CLEC3A: variants seen among roughly 807,000 people sequenced by gnomAD.
CLEC3A encodes the protein C-type (calcium dependent, carbohydrate-recognition domain) lectin, superfamily member 1 (cartilage-derived).
Under a neutral mutation model 20.4 loss-of-function variants are expected in CLEC3A, and 28 were observed. The ratio of observed to expected loss-of-function variants is 1.37; its 90% CI spans 1.02 to 1.88. The LOEUF is 1.88. CLEC3A is among the 40% of genes most tolerant of loss of function. The pLI, the probability that CLEC3A is intolerant of heterozygous loss-of-function variation, is 0.00. For missense variants in CLEC3A, 357 were observed against 240.4 expected (o/e 1.48, Z -3.21); for synonymous variants, 110 against 88.1 (o/e 1.25, Z -1.39).
chr16:78,028,752 T>C (rs1377414434), intron 2 of CLEC3A, among the ~76,000 whole-genome samples: 2 of 152,238 alleles, frequency 1.3e-5, no homozygotes, highest in African/African-American at 4.8e-5. Flanking sequence ...GGAGCTAATA[T>C]CCTTTGTAGC....
At chr16:78,022,793 GGT>G in intron 1 of CLEC3A, 52 bp downstream of exon 1, 1 of 1,589,478 alleles carries the variant, frequency 6.3e-7, no homozygotes, top group Non-Finnish European at 8.6e-7. Flanking sequence ...AGTGTGGGGA[GGT>G]GCTGGACAAT....
At chr16:78,026,730 C>T (rs891956950) in intron 1 of CLEC3A, among the ~76,000 whole-genome samples, 2 of 152,162 alleles carry the variant, frequency 1.3e-5, no homozygotes, top group South Asian at 2.1e-4. Flanking sequence ...TAAGAGAATC[C>T]TTATTACACC....
rs185053601 is a variant in CLEC3A at position 78,023,914 on chromosome 16, C to G, written c.115+1173C>G. Among the ~76,000 whole-genome samples the G allele has an allele frequency of 5.9e-5, 9 of 152,070 alleles. No individual in the cohort carries two copies. In the East Asian group the frequency reaches 1.4e-3, roughly 23 times the overall value. ...CTAGGACTACAGGCGCCTGCCACCA[C>G]GCTCGACTAATTTTTTGTATTTTTA... is the stretch of plus-strand genomic sequence containing the variant. On this transcript the variant is annotated intron_variant, in intron 1 of 2. Coordinates refer to ENST00000299642, the MANE Select transcript of CLEC3A (RefSeq NM_005752.6).
chr16:78,029,964 T>C (rs2030039624), intron 2 of CLEC3A, among the ~76,000 whole-genome samples: 1 of 151,894 alleles, frequency 6.6e-6, no homozygotes. Flanking sequence ...CCATCCTGGC[T>C]AACACGGTGA....
At position 78,022,625 on chromosome 16, in the gene CLEC3A, C is replaced by T. The variant is rs1394460470; in HGVS notation, c.-2C>T. The T allele has an allele frequency of 6.2e-7, 1 of 1,614,044 alleles. No homozygotes were observed. The highest frequency in any genetic ancestry group is 8.5e-7 in the Non-Finnish European group (1 of 1,179,986). ...ATGGCTCAGCAGGCTTGCCCCAGAG[C>T]CATGGCAAAGAATGGACTTGTAATT... On this transcript the variant is annotated 5_prime_UTR_variant, in exon 1 of 3. Transcript: ENST00000299642.
In CLEC3A at chr16:78,022,671, A is replaced by C; in HGVS notation, c.45A>C (p.Leu15Phe). The C allele has an allele frequency of 6.2e-7, 1 of 1,613,994 alleles. No individual in the cohort carries two copies. Among genetic ancestry groups the C allele is most frequent in the Non-Finnish European group, 8.5e-7 (1 of 1,179,994 alleles). ...TAATTTGCATCCTGGTGATCACCTT[A>C]CTCCTGGACCAGACCACCAGCCACA... ...GLVICILVIT[L>F]LLDQTTSHTS... Residue 15 changes from leucine (L) to phenylalanine (F), a missense_variant, in exon 1 of 3, where the codon TTA (leucine) becomes TTC (phenylalanine). Coordinates refer to ENST00000299642, the MANE Select transcript of CLEC3A (RefSeq NM_005752.6).
intron 2 of CLEC3A, among the ~76,000 whole-genome samples, chr16:78,028,445 C>A (rs553255763): frequency 2.0e-5 from 3 of 152,262 alleles, no homozygotes; most frequent in African/African-American, 7.2e-5. Flanking sequence ...TACTTATTCT[C>A]TAAAGAGTAG....
At chr16:78,029,094 C>G (rs1398716113) in intron 2 of CLEC3A, 1 of 455,048 alleles carries the variant, frequency 2.2e-6, no homozygotes, top group East Asian at 7.0e-5. Context: ...CCTCCAGCAA[C>G]TTAAGCTATT....
intron 1 of CLEC3A, among the ~76,000 whole-genome samples, chr16:78,026,349 C>T (rs991203406): frequency 2.6e-5 from 4 of 152,178 alleles, no homozygotes; most frequent in African/African-American, 9.7e-5. Flanking sequence ...TCCATGGAAT[C>T]CCCACAAAGA....
rs2030058175 is a variant in CLEC3A at position 78,030,445 on chromosome 16, A to T, written c.200-2A>T. The T allele has an allele frequency of 6.3e-7, 1 of 1,591,386 alleles. No individual in the cohort carries two copies. Among genetic ancestry groups the T allele is most frequent in the Non-Finnish European group, 8.6e-7 (1 of 1,167,512 alleles). ...AATATGTTACACTTCACATCTTCAC[A>T]GTCTGTCTCCGAGGCACTAAAGTTC... On this transcript the variant is annotated splice_acceptor_variant, in intron 2 of 2. Coordinates refer to ENST00000299642, the MANE Select transcript of CLEC3A (RefSeq NM_005752.6). LOFTEE classifies it high-confidence loss of function.
chr16:78,023,217 G>C lies in CLEC3A; in HGVS notation c.115+476G>C, dbSNP rs576122134. 4.6e-5 allele frequency among the ~76,000 whole-genome samples: 7 copies of C among 152,288 alleles called. 1 individual carries two copies. The highest frequency in any genetic ancestry group is 2.0e-4 in the Admixed American group (3 of 15,288). ...GAGATTTTGGTAATGGTGACTTCCT[G>C]TTTTGTCATTAGTTATCATTAGCTG... On this transcript the variant is annotated intron_variant, in intron 1 of 2. Coordinates refer to ENST00000299642, the MANE Select transcript of CLEC3A (RefSeq NM_005752.6).
chr16:78,025,129 T>C (rs978165057), intron 1 of CLEC3A, among the ~76,000 whole-genome samples: 3 of 152,222 alleles, frequency 2.0e-5, no homozygotes, highest in Non-Finnish European at 4.4e-5. Context: ...GTTTTTAAAA[T>C]GCACAATTAA....
intron 1 of CLEC3A, among the ~76,000 whole-genome samples, chr16:78,025,967 G>A (rs932474536): frequency 2.1e-4 from 32 of 152,152 alleles, no homozygotes; most frequent in Admixed American, 1.3e-3. Context: ...GAGGGATGGG[G>A]GATGACATTT....
rs1376209735 is a variant in CLEC3A, at chr16:78,030,819, G to T, written c.572G>T (p.Cys191Phe). ...TGTCGCAGCAGCAAGAGATACATAT[G>T]CGAGTTCACCATCCCTCAATAGGTC... Reference protein sequence around the residue: ...EACRSSKRYICEFTIPQ With the variant: ...EACRSSKRYIFEFTIPQ Residue 191 changes from cysteine (C) to phenylalanine (F), a missense_variant, in exon 3 of 3, where the codon TGC (cysteine) becomes TTC (phenylalanine). Transcript: ENST00000299642. The T allele has an allele frequency of 2.5e-6, 4 of 1,613,080 alleles. No individual in the cohort carries two copies. The highest frequency in any genetic ancestry group is 1.3e-5 in the African/African-American group (1 of 74,870).
chr16:78,028,074 A>G (rs1185898858), intron 1 of CLEC3A, 33 bp from the exon 2 acceptor site: 12 of 1,421,748 alleles, frequency 8.4e-6, no homozygotes, highest in Non-Finnish European at 8.9e-6. Flanking sequence ...CTTTTCATCC[A>G]CCTACCCCAT....
At position 78,029,604 on chromosome 16, in the gene CLEC3A, G is replaced by T. The variant is rs182646342; in HGVS notation, c.200-843G>T. 1.2e-3 allele frequency among the ~76,000 whole-genome samples: 175 copies of T among 152,126 alleles called. 1 individual carries two copies. In the South Asian group the frequency reaches 0.027, roughly 23 times the overall value. On this transcript the variant is annotated intron_variant, in intron 2 of 2. Coordinates refer to ENST00000299642, the MANE Select transcript of CLEC3A (RefSeq NM_005752.6). ...AGACTGGTCTTGAACTCTTGACCTT[G>T]TGATCCACCCGCTTCTGCCTCCCTA...
chr16:78,024,922 G>C (rs1022788595), intron 1 of CLEC3A, among the ~76,000 whole-genome samples: 16 of 152,094 alleles, frequency 1.1e-4, no homozygotes, highest in African/African-American at 3.9e-4. Context: ...TACCCACCAG[G>C]TTCAAACAAT....
chr16:78,026,943 G>C (rs879322678), intron 1 of CLEC3A, among the ~76,000 whole-genome samples: 10 of 152,184 alleles, frequency 6.6e-5, no homozygotes, highest in Non-Finnish European at 1.2e-4. Flanking sequence ...CATGTGTTGA[G>C]TCGGAACACT....
chr16:78,024,627 T>A (rs2142587214), intron 1 of CLEC3A, among the ~76,000 whole-genome samples: 1 of 152,244 alleles, frequency 6.6e-6, no homozygotes. Flanking sequence ...GGTGAAGCAA[T>A]AAACCTAAAC....
Sources: allele counts gnomAD v4.1 joint callset (sites outside exome capture counted in the v4.1 genomes callset), GRCh38; gene constraint gnomAD v4.1.1; transcripts MANE v1.5; gene names NCBI Gene and HGNC (gene_info 2026-07-23, HGNC 2026-07-21).